The following MAGI2 variants were observed in gnomAD, a reference collection of about 807,000 sequenced individuals.
MAGI2 encodes membrane associated guanylate kinase, WW and PDZ domain containing 2.
A neutral mutation model predicts 133.3 loss-of-function variants in MAGI2; 35 were observed. That is an observed-to-expected ratio of 0.26 (90% CI 0.20 to 0.35). The LOEUF (loss-of-function observed/expected upper bound fraction) is 0.35. MAGI2 is among the 10% of genes least tolerant of loss of function. The pLI, the probability that MAGI2 is intolerant of heterozygous loss-of-function variation, is 1.00. For missense variants in MAGI2, 1,636 were observed against 1,863.4 expected, an observed-to-expected ratio of 0.88 and a Z score of 2.25; for synonymous variants, 729 against 710.6, an observed-to-expected ratio of 1.03 and a Z score of -0.41.
At chr7:78,042,248 T>C (rs974146572) in intron 21 of MAGI2, among the ~76,000 whole-genome samples, 33 of 152,230 alleles carry the variant, frequency 2.2e-4, no homozygotes, top group African/African-American at 7.5e-4. Context: ...GAGGAATATG[T>C]TCTTTGGCTA....
At chr7:79,237,390 G>C (rs1463621054) in intron 1 of MAGI2, among the ~76,000 whole-genome samples, 1 of 152,168 alleles carries the variant, frequency 6.6e-6, no homozygotes, top group Non-Finnish European at 1.5e-5. Context: ...CTACTCTGGA[G>C]GCTGAGCCAG....
intron 2 of MAGI2, among the ~76,000 whole-genome samples, chr7:78,861,866 T>C (rs1464887354): frequency 6.6e-6 from 1 of 152,254 alleles, no homozygotes; most frequent in African/African-American, 2.4e-5. Flanking sequence ...ATCAACTTTC[T>C]ATTTTATTTA....
At chr7:78,579,291 A>G (rs188985334) in intron 3 of MAGI2, among the ~76,000 whole-genome samples, 3 of 152,318 alleles carry the variant, frequency 2.0e-5, no homozygotes, top group East Asian at 1.9e-4. Flanking sequence ...TGCTAAATAC[A>G]TATCAGATGG....
chr7:79,255,491 A>G (rs2129555981), intron 1 of MAGI2, among the ~76,000 whole-genome samples: 1 of 152,370 alleles, frequency 6.6e-6, no homozygotes, highest in South Asian at 2.1e-4. Flanking sequence ...AGTTATGTAA[A>G]AAGAATATGA....
At chr7:78,854,749 A>C (rs151229905) in intron 2 of MAGI2, among the ~76,000 whole-genome samples, 2 of 151,784 alleles carry the variant, frequency 1.3e-5, no homozygotes, top group South Asian at 4.2e-4. Flanking sequence ...ACTTTGTCCA[A>C]TGCATTATTT....
chr7:79,329,297 G>A (rs906230500), intron 1 of MAGI2, among the ~76,000 whole-genome samples: 7 of 152,166 alleles, frequency 4.6e-5, no homozygotes, highest in African/African-American at 1.7e-4. Context: ...ACATTATAGT[G>A]CCTGCTTTTT....
intron 2 of MAGI2, among the ~76,000 whole-genome samples, chr7:78,904,734 C>A (rs1216675577): frequency 1.3e-5 from 2 of 152,102 alleles, no homozygotes; most frequent in South Asian, 2.1e-4. Context: ...AACTCCTGGC[C>A]TCAAGCAATC....
Position 78,416,183 on chromosome 7 carries a change from G to A in MAGI2, c.1046-46970C>T, listed in dbSNP as rs1046267073. On this transcript the variant is annotated intron_variant, in intron 6 of 21. Coordinates refer to ENST00000354212, the MANE Select transcript of MAGI2 (RefSeq NM_012301.4). ...AATGAAGTGAATATGTTGGAACAAT[G>A]AAGATTAGCTAGTGGAATTCCAAAG... Among the ~76,000 whole-genome samples the A allele has an allele frequency of 2.6e-5, 4 of 152,122 alleles. No homozygotes were observed. The East Asian group carries it at 7.7e-4, about 29-fold the overall frequency.
At chr7:78,725,137 T>A (rs1041329272) in intron 2 of MAGI2, among the ~76,000 whole-genome samples, 1 of 152,232 alleles carries the variant, frequency 6.6e-6, no homozygotes, top group Admixed American at 6.5e-5. Flanking sequence ...GAAAAGCTAA[T>A]TAAGTTTCCT....
chr7:78,427,101 A>G (rs1799354208), intron 6 of MAGI2, among the ~76,000 whole-genome samples: 1 of 152,170 alleles, frequency 6.6e-6, no homozygotes, highest in African/African-American at 2.4e-5. Context: ...ACCACTAAAA[A>G]CAAATGACAA....
intron 2 of MAGI2, among the ~76,000 whole-genome samples, chr7:78,861,067 T>C (rs918423307): frequency 1.3e-5 from 2 of 152,298 alleles, no homozygotes; most frequent in East Asian, 1.9e-4. Flanking sequence ...AATCTCCTGG[T>C]GTGCCGTTTG....
chr7:79,277,228 T>C (rs1835295870), intron 1 of MAGI2, among the ~76,000 whole-genome samples: 1 of 152,092 alleles, frequency 6.6e-6, no homozygotes, highest in African/African-American at 2.4e-5. Flanking sequence ...CAGCCATCAA[T>C]AGGGAGGCAA....
intron 2 of MAGI2, among the ~76,000 whole-genome samples, chr7:78,929,716 C>A (rs369320274): frequency 6.6e-6 from 1 of 152,032 alleles, no homozygotes; most frequent in African/African-American, 2.4e-5. Context: ...ACCCAGATAA[C>A]CTCTGATAAT....
At chr7:78,806,928 C>T (rs1013827934) in intron 2 of MAGI2, among the ~76,000 whole-genome samples, 9 of 147,116 alleles carry the variant, frequency 6.1e-5, no homozygotes, top group African/African-American at 1.5e-4. Context: ...AAAATAAATT[C>T]GTAATGGTTC....
intron 9 of MAGI2, among the ~76,000 whole-genome samples, chr7:78,271,853 G>C (rs192704147): frequency 6.6e-6 from 1 of 150,962 alleles, no homozygotes; most frequent in East Asian, 1.9e-4. Context: ...TTTCTTATTA[G>C]TCTTGCTAGC....
At chr7:79,142,314 C>G (rs1252824951) in intron 1 of MAGI2, among the ~76,000 whole-genome samples, 1 of 152,078 alleles carries the variant, frequency 6.6e-6, no homozygotes, top group Non-Finnish European at 1.5e-5. Flanking sequence ...TTAAAGTGTA[C>G]ATTCTCAAAA....
chr7:79,065,637 G>A (rs1372318055), intron 1 of MAGI2, among the ~76,000 whole-genome samples: 1 of 152,044 alleles, frequency 6.6e-6, no homozygotes, highest in African/African-American at 2.4e-5. Context: ...AGGCATACAT[G>A]TGCCATAGTG....
At chr7:79,304,203 C>CTGTGTGTGTGTGTGTGTCTGTGTGTGTG (rs1837606272) in intron 1 of MAGI2, among the ~76,000 whole-genome samples, 2 of 135,426 alleles carry the variant, frequency 1.5e-5, no homozygotes, top group Non-Finnish European at 3.1e-5. Context: ...GTGTGTGTGT[C>CTGTGTGTGTGTGTGTGTCTGTGTGTGTG]TGTGTGTGTG....
At chr7:78,583,656 A>G (rs1365811352) in intron 3 of MAGI2, among the ~76,000 whole-genome samples, 1 of 152,212 alleles carries the variant, frequency 6.6e-6, no homozygotes, top group Non-Finnish European at 1.5e-5. Context: ...ACAAGATTAG[A>G]TCCAAGCTGA....
Sources: gnomAD v4.1 joint callset for allele counts (sites outside exome capture counted in the v4.1 genomes callset) on GRCh38, gnomAD v4.1.1 for gene constraint, MANE v1.5 for transcripts, NCBI Gene and HGNC (gene_info 2026-07-23, HGNC 2026-07-21) for gene names.